The following ARHGAP33 variants were observed in gnomAD, a reference collection of about 807,000 sequenced individuals.
ARHGAP33 encodes the protein rho GTPase-activating protein 33.
A neutral mutation model predicts 126.2 loss-of-function variants in ARHGAP33; 57 were observed. That is an observed-to-expected ratio of 0.45 (90% confidence interval 0.36 to 0.56). ARHGAP33 has a LOEUF of 0.56. Ranked by LOEUF, ARHGAP33 falls within the 20% of genes least tolerant of loss-of-function variation. The probability of loss-of-function intolerance (pLI) is 0.00; values close to 1 mark genes in which losing one functional copy is unlikely to be tolerated. For missense variants in ARHGAP33, 1,500 were observed against 1,748.3 expected, an observed-to-expected ratio of 0.86 and a Z score of 2.53; for synonymous variants, 711 against 755.0, an observed-to-expected ratio of 0.94 and a Z score of 0.95.
At chr19:35,785,684 A>T in intron 19 of ARHGAP33, 1 of 1,425,426 alleles carries the variant, frequency 7.0e-7, no homozygotes, top group Non-Finnish European at 9.1e-7. Context: ...TAACTTACTC[A>T]TTGGTCCATG....
At position 35,788,488 on chromosome 19, in the gene ARHGAP33, C is replaced by A; in HGVS notation, c.*59C>A. 1 of 1,397,100 alleles carries A rather than the reference C, an allele frequency of 7.2e-7. No homozygotes were observed. The highest frequency in any genetic ancestry group is 3.0e-5 in the Admixed American group (1 of 33,540). 86.5% of individuals were successfully genotyped at this position (1,397,100 alleles called of 1,614,324 possible). ...TCACCCTCACTGGATCTTGGCCCAA[C>A]CAAATCCCTTGTTTTGTATTTTCTT... is the stretch of plus-strand genomic sequence containing the variant. On this transcript the variant is annotated 3_prime_UTR_variant, in exon 21 of 21. Transcript: ENST00000007510.
At chr19:35,781,983 C>T (rs918419883) in intron 12 of ARHGAP33, among the ~76,000 whole-genome samples, 1 of 152,098 alleles carries the variant, frequency 6.6e-6, no homozygotes, top group African/African-American at 2.4e-5. Flanking sequence ...GATTTTACCA[C>T]AGGCAGTGGG....
chr19:35,787,235 C>T lies in ARHGAP33; in HGVS notation c.2670C>T (p.Pro890=). Reference sequence around the variant, plus strand: ...TCCTGCGCCCTGGGGGTGCCCCACCCCCGCCCCCTAAGAACCCAGCACGCC... The same window carrying T: ...TCCTGCGCCCTGGGGGTGCCCCACCTCCGCCCCCTAAGAACCCAGCACGCC... ...LSLLRPGGAP[P]PPPKNPARLM... The change falls in exon 21 of 21, where the codon CCC becomes CCT. Residue 890 remains proline, a synonymous_variant. Coordinates refer to ENST00000007510, the MANE Select transcript of ARHGAP33 (RefSeq NM_001366178.1). 2 of 1,610,268 alleles carry T rather than the reference C, an allele frequency of 1.2e-6. No individual in the cohort carries two copies. Among genetic ancestry groups the T allele is most frequent in the Admixed American group, 1.7e-5 (1 of 59,318 alleles).
chr19:35,784,628 G>A (rs1971997535), intron 16 of ARHGAP33: 1 of 1,253,060 alleles, frequency 8.0e-7, no homozygotes, highest in African/African-American at 1.6e-5. Context: ...CCCCGCCCCG[G>A]CCCCACCCAG....
chr19:35,785,466 C>T lies in ARHGAP33; in HGVS notation c.1925C>T (p.Ser642Leu), dbSNP rs201213871. The change falls in exon 19 of 21, where the codon TCG (serine) becomes TTG (leucine). Residue 642 changes from serine (S) to leucine (L), a missense_variant. Physicochemically the swap from Ser to Leu is moderately radical, Grantham distance 145. Coordinates refer to ENST00000007510, the MANE Select transcript of ARHGAP33 (RefSeq NM_001366178.1). Reference sequence around the variant, plus strand: ...GCCAAGAGCGAGGAGTCTCTGTCATCGCAGGCCAGCGGGGCTGGTGAGCAA... The same window carrying T: ...GCCAAGAGCGAGGAGTCTCTGTCATTGCAGGCCAGCGGGGCTGGTGAGCAA... ...RSAKSEESLS[S>L]QASGAGLQRL... 7 of 1,614,190 alleles carry T rather than the reference C, an allele frequency of 4.3e-6. No individual in the cohort carries two copies. Among genetic ancestry groups the T allele is most frequent in the East Asian group, 4.5e-5 (2 of 44,880 alleles).
At chr19:35,784,791 TGCCTGCTGCCC>T (rs1451995616) in intron 16 of ARHGAP33, 151 bp from the exon 17 acceptor site, 32 of 1,139,380 alleles carry the variant, frequency 2.8e-5, no homozygotes, top group Admixed American at 1.4e-4. Context: ...TCCTCCCACC[TGCCTGCTGCCC>T]GCCTGCTCCC....
Position 35,782,431 on chromosome 19 carries a change from A to G in ARHGAP33, c.1144A>G (p.Ile382Val), listed in dbSNP as rs372767717. Residue 382 changes from isoleucine (I) to valine (V), a missense_variant, in exon 13 of 21, where the codon ATC becomes GTC. Coordinates refer to ENST00000007510, the MANE Select transcript of ARHGAP33 (RefSeq NM_001366178.1). The surrounding 1 kb of genome is among the most constrained non-coding windows in gnomAD (Gnocchi z 4.1). ...GTCTGGCCCTGCATTCCTGCAGGAC[A>G]TCCACAGCGTGTCCTCCCTCTGCAA... ...ELSGPAFLQD[I>V]HSVSSLCKLY... is the part of the protein sequence containing the mutation. 6.8e-6 allele frequency: 11 copies of G among 1,613,342 alleles called. No individual in the cohort carries two copies. Among genetic ancestry groups the G allele is most frequent in the Non-Finnish European group, 8.5e-6 (10 of 1,179,320 alleles).
At chr19:35,781,976 T>C (rs1189413040) in intron 12 of ARHGAP33, among the ~76,000 whole-genome samples, 4 of 151,826 alleles carry the variant, frequency 2.6e-5, no homozygotes, top group African/African-American at 9.7e-5. Flanking sequence ...GGTGGGAGAT[T>C]TTACCACAGG....
chr19:35,788,672 G>T lies in ARHGAP33; in HGVS notation c.*243G>T. The stretch of plus-strand genomic sequence containing the variant: ...CCTCGCACAAATCTGGGGTGGGAGG[G>T]GCTAGGCTGACCCCATCCTCCTCTC... On this transcript the variant is annotated 3_prime_UTR_variant, in exon 21 of 21. Coordinates refer to ENST00000007510, the MANE Select transcript of ARHGAP33 (RefSeq NM_001366178.1). The T allele has an allele frequency of 2.1e-6, 1 of 474,240 alleles. No individual in the cohort carries two copies. Among genetic ancestry groups the T allele is most frequent in the Non-Finnish European group, 3.7e-6 (1 of 270,892 alleles). The allele number at this position is 474,240 out of a possible 1,614,324, so 29.4% of individuals were successfully genotyped here. A position where few individuals can be genotyped will look rare whatever the true frequency, so the allele number is the denominator to read the frequency against.
At chr19:35,784,074 TAGAC>T (rs1971955709) in intron 15 of ARHGAP33, 94 bp from the exon 16 acceptor site, 28 of 1,055,794 alleles carry the variant, frequency 2.7e-5, no homozygotes, top group Non-Finnish European at 3.8e-5. Flanking sequence ...AGGTGTTGAA[TAGAC>T]AGTCACTGCC....
chr19:35,785,903 C>T (rs1972087691), intron 19 of ARHGAP33: 1 of 1,088,646 alleles, frequency 9.2e-7, no homozygotes, highest in Non-Finnish European at 1.1e-6. Context: ...AAGGATCATA[C>T]TGCTCAGTTC....
Position 35,782,850 on chromosome 19 carries a change from T to G in ARHGAP33, c.1402T>G (p.Trp468Gly), listed in dbSNP as rs1971872729. The G allele has an allele frequency of 6.2e-7, 1 of 1,613,064 alleles. No individual in the cohort carries two copies. Among genetic ancestry groups the G allele is most frequent in the Admixed American group, 1.7e-5 (1 of 59,904 alleles). ...GCATGCCCGCAACCTGGCCATTGTC[T>G]GGGCACCCAACCTGCTACGGTGAGC... ...SMHARNLAIV[W>G]APNLLRSMEL... The change falls in exon 15 of 21, where the codon TGG becomes GGG. Residue 468 changes from tryptophan (W) to glycine (G), a missense_variant. By Grantham distance (184) the Trp-to-Gly change is radical (BLOSUM62 -2). Around this residue, in one of 6 missense-constraint regions of ARHGAP33, gnomAD observed 281 missense variants for 413.7 expected, o/e 0.68. Transcript: ENST00000007510. The surrounding 1 kb of genome is among the most constrained non-coding windows in gnomAD (Gnocchi z 4.1).
At chr19:35,777,138 A>C (rs778449090) in intron 1 of ARHGAP33, among the ~76,000 whole-genome samples, 47 of 152,176 alleles carry the variant, frequency 3.1e-4, no homozygotes, top group Non-Finnish European at 6.2e-4. Context: ...GGAAGTCTCG[A>C]TTATCAGACC....
rs1568432190 is a variant in ARHGAP33 at position 35,786,756 on chromosome 19, A to AC, written c.2292dup (p.Ala765ArgfsTer86). ...ATCCCGCACCTCCCGCCAGCCCAGC[A>AC]CCCCCCGCCCCTGCCTCTGCCTTCC... On this transcript the variant is annotated frameshift_variant, in exon 20 of 21. Coordinates refer to ENST00000007510, the MANE Select transcript of ARHGAP33 (RefSeq NM_001366178.1). LOFTEE classifies it high-confidence loss of function. The surrounding 1 kb of genome is among the most constrained non-coding windows in gnomAD (Gnocchi z 7.0). 8 of 1,497,156 alleles carry AC rather than the reference A, an allele frequency of 5.3e-6. No individual in the cohort carries two copies. The highest frequency in any genetic ancestry group is 2.5e-5 in the East Asian group (1 of 40,182). 92.7% of individuals were successfully genotyped at this position (1,497,156 alleles called of 1,614,324 possible).
rs751758349 is a variant in ARHGAP33, at chr19:35,787,556, C to T, written c.2991C>T (p.Ala997=). 1 of 1,612,000 alleles carries T rather than the reference C, an allele frequency of 6.2e-7. No individual in the cohort carries two copies. Among genetic ancestry groups the T allele is most frequent in the African/African-American group, 1.3e-5 (1 of 74,880 alleles). ...CAAGGAGGGGACTCCGAGGCCCTGC[C>T]CAGGTCAGTGCCCAGCTCAGGGCAG... is the stretch of plus-strand genomic sequence containing the variant. ...GTSRRGLRGP[A]QVSAQLRAGG... is the part of the protein sequence containing the mutation. Residue 997 remains alanine, a synonymous_variant, in exon 21 of 21, where the codon GCC becomes GCT. Transcript: ENST00000007510.
rs760108110 is a variant in ARHGAP33 at position 35,778,451 on chromosome 19, T to G, written c.271-13T>G. The G allele has an allele frequency of 2.5e-6, 4 of 1,614,168 alleles. No homozygotes were observed. The South Asian group carries it at 3.3e-5, about 13-fold the overall frequency. On this transcript the variant is annotated splice_polypyrimidine_tract_variant and intron_variant, in intron 4 of 20. Coordinates refer to ENST00000007510, the MANE Select transcript of ARHGAP33 (RefSeq NM_001366178.1). ...TGGGGCCCCTGCTCCCTTCTGTCCC[T>G]CTGCTCCCACAGGGCCGTTCCTGGC...
In ARHGAP33 at chr19:35,778,368, C is replaced by G. The variant is rs375128182; in HGVS notation, c.270+8C>G. 80 of 1,614,062 alleles carry G rather than the reference C, an allele frequency of 5.0e-5. No individual in the cohort carries two copies. Among genetic ancestry groups the G allele is most frequent in the Middle Eastern group, 1.6e-4 (1 of 6,084 alleles). ...GTGCAGGTGACCTGTCAGGTGAGGC[C>G]ATCCCGCCTCTCATCTAGCCTGAGA... is the stretch of plus-strand genomic sequence containing the variant. On this transcript the variant is annotated splice_region_variant and intron_variant, in intron 4 of 20. Coordinates refer to ENST00000007510, the MANE Select transcript of ARHGAP33 (RefSeq NM_001366178.1).
intron 19 of ARHGAP33, chr19:35,785,743 A>G: frequency 7.5e-7 from 1 of 1,326,456 alleles, no homozygotes; most frequent in South Asian, 1.6e-5. Flanking sequence ...TTTTAAAATA[A>G]TATCATGGAC....
rs112910841 is a variant in ARHGAP33, at chr19:35,786,013, C to T, written c.1943-400C>T. The T allele has an allele frequency of 2.1e-4, 232 of 1,117,138 alleles. No homozygotes were observed. The East Asian group carries it at 0.011, about 53-fold the overall frequency. 69.2% of individuals were successfully genotyped at this position (1,117,138 alleles called of 1,614,324 possible). Reference sequence around the variant, plus strand: ...TCTCCATCGCTACCTCACAGCCCGCCGCGCTGCTGGGTGCTGCTCTCCGAC... The same window carrying T: ...TCTCCATCGCTACCTCACAGCCCGCTGCGCTGCTGGGTGCTGCTCTCCGAC... On this transcript the variant is annotated intron_variant, in intron 19 of 20. Transcript: ENST00000007510. This position sits in a 1 kb window ranked among gnomAD's most constrained non-coding sequence, Gnocchi z 7.0.
Sources: gnomAD v4.1 joint callset for allele counts (sites outside exome capture counted in the v4.1 genomes callset) on GRCh38, gnomAD v4.1.1 for gene constraint, gnomAD v4.1.1 regional missense constraint, Gnocchi (gnomAD v3.1) non-coding constraint, MANE v1.5 for transcripts, NCBI Gene and HGNC (gene_info 2026-07-23, HGNC 2026-07-21) for gene names.